Variants in MYRIP observed in about 807,000 individuals in gnomAD.
MYRIP encodes rab effector MyRIP.
A neutral mutation model predicts 98.0 loss-of-function variants in MYRIP; 49 were observed. The ratio of observed to expected loss-of-function variants is 0.50; its 90% confidence interval spans 0.40 to 0.63. MYRIP has a LOEUF of 0.63. MYRIP is among the 30% of genes least tolerant of loss of function. The pLI is 0.00. For synonymous variants in MYRIP, 404 were observed against 409.5 expected (o/e 0.99, Z 0.16); for missense variants, 1,004 against 1,058.2 (o/e 0.95, Z 0.71).
intron 2 of MYRIP, among the ~76,000 whole-genome samples, chr3:39,994,402 G>T (rs952871969): frequency 6.6e-6 from 1 of 152,258 alleles, no homozygotes; most frequent in African/African-American, 2.4e-5. Flanking sequence ...TCCCGTGCCT[G>T]GCTCGGAGGG....
intron 2 of MYRIP, among the ~76,000 whole-genome samples, chr3:39,975,952 G>A (rs1022696690): frequency 2.6e-5 from 4 of 152,128 alleles, no homozygotes; most frequent in African/African-American, 7.2e-5. Flanking sequence ...AACCCTAGAA[G>A]AAAACCTAGA....
At position 40,245,747 on chromosome 3, in the gene MYRIP, ATT is replaced by A. The variant is rs539410162; in HGVS notation, c.2262+1157_2262+1158del. On this transcript the variant is annotated intron_variant, in intron 13 of 16. Coordinates refer to ENST00000302541, the MANE Select transcript of MYRIP (RefSeq NM_015460.4). Reference sequence around the variant, plus strand: ...TTCAGTATAGACCCCTGGTTTGCTGATTTTTTTTTTTTTTTTTTGAGACAGAG... The same window carrying A: ...TTCAGTATAGACCCCTGGTTTGCTGATTTTTTTTTTTTTTTTGAGACAGAG... Among the ~76,000 whole-genome samples, 95 of 95,838 alleles carry A rather than the reference ATT, an allele frequency of 9.9e-4. 2 individuals carry two copies. The highest frequency in any genetic ancestry group is 2.3e-3 in the South Asian group (6 of 2,576). 62.9% of individuals were successfully genotyped at this position (95,838 alleles called of 152,430 possible).
Position 39,902,326 on chromosome 3 carries a change from A to G in MYRIP, c.110+1400A>G, listed in dbSNP as rs769428929. Reference sequence around the variant, plus strand: ...TGGAAAAGGTCACCAGAACAATAGGAGAGTAGATGGAGCAGGGAAACTAGT... The same window carrying G: ...TGGAAAAGGTCACCAGAACAATAGGGGAGTAGATGGAGCAGGGAAACTAGT... On this transcript the variant is annotated intron_variant, in intron 2 of 16. Coordinates refer to ENST00000302541, the MANE Select transcript of MYRIP (RefSeq NM_015460.4). Among the ~76,000 whole-genome samples the G allele has an allele frequency of 3.9e-5, 6 of 152,230 alleles. No homozygotes were observed. In the East Asian group the frequency reaches 1.2e-3, roughly 29 times the overall value.
At chr3:39,912,082 C>G (rs1008709439) in intron 2 of MYRIP, among the ~76,000 whole-genome samples, 3 of 152,212 alleles carry the variant, frequency 2.0e-5, no homozygotes, top group Non-Finnish European at 4.4e-5. Context: ...GAGCCAGCCT[C>G]CCTGGCCTGG....
intron 11 of MYRIP, among the ~76,000 whole-genome samples, chr3:40,215,034 C>A (rs968411740): frequency 6.6e-6 from 1 of 152,092 alleles, no homozygotes; most frequent in Non-Finnish European, 1.5e-5. Flanking sequence ...ACATAAGTAT[C>A]ATTTGCAATA....
Position 40,134,371 on chromosome 3 carries a change from A to G in MYRIP, c.333-16677A>G, listed in dbSNP as rs1232389967. On this transcript the variant is annotated intron_variant, in intron 3 of 16. Coordinates refer to ENST00000302541, the MANE Select transcript of MYRIP (RefSeq NM_015460.4). Reference sequence around the variant, plus strand: ...ACAATTGCTCAGGCTTGAGTAGGTAAACAAAGCAGCCGGGAAGCTGGAACT... The same window carrying G: ...ACAATTGCTCAGGCTTGAGTAGGTAGACAAAGCAGCCGGGAAGCTGGAACT... 2.6e-5 allele frequency among the ~76,000 whole-genome samples: 4 copies of G among 152,250 alleles called. No homozygotes were observed. In the East Asian group the frequency reaches 7.7e-4, roughly 29 times the overall value.
intron 1 of MYRIP, among the ~76,000 whole-genome samples, chr3:39,816,933 C>A (rs1240877245): frequency 6.6e-6 from 1 of 152,198 alleles, no homozygotes; most frequent in Non-Finnish European, 1.5e-5. Context: ...TAACAGCCTT[C>A]ACATCATCAC....
intron 10 of MYRIP, among the ~76,000 whole-genome samples, chr3:40,199,476 G>A (rs539433050): frequency 1.3e-5 from 2 of 152,216 alleles, no homozygotes; most frequent in African/African-American, 4.8e-5. Flanking sequence ...GCATTCGAGG[G>A]GATGCTCTCT....
intron 2 of MYRIP, among the ~76,000 whole-genome samples, chr3:39,929,256 G>T (rs750261774): frequency 6.6e-6 from 1 of 151,868 alleles, no homozygotes; most frequent in Admixed American, 6.6e-5. Context: ...TAAATGGAGA[G>T]ACATACAGTG....
intron 1 of MYRIP, among the ~76,000 whole-genome samples, chr3:39,861,445 C>A (rs1000164482): frequency 2.6e-5 from 4 of 152,190 alleles, no homozygotes; most frequent in Non-Finnish European, 4.4e-5. Context: ...TGTTTTCTTA[C>A]CTCGCAACAA....
chr3:39,842,611 T>C (rs968579826), intron 1 of MYRIP, among the ~76,000 whole-genome samples: 3 of 152,192 alleles, frequency 2.0e-5, no homozygotes, highest in Non-Finnish European at 4.4e-5. Flanking sequence ...GGGAATCTCC[T>C]TGTCTGTGAA....
intron 2 of MYRIP, among the ~76,000 whole-genome samples, chr3:39,966,294 G>C (rs1042959027): frequency 6.6e-5 from 10 of 152,154 alleles, no homozygotes; most frequent in Non-Finnish European, 4.4e-5. Flanking sequence ...GTTTTACCAA[G>C]AACACTGAAG....
At chr3:40,125,095 C>CCA (rs1329122654) in intron 3 of MYRIP, among the ~76,000 whole-genome samples, 3 of 152,196 alleles carry the variant, frequency 2.0e-5, no homozygotes, top group African/African-American at 7.2e-5. Flanking sequence ...AGAACCAGGC[C>CCA]TGACACTCAT....
At chr3:40,038,855 G>A (rs1947442389) in intron 2 of MYRIP, among the ~76,000 whole-genome samples, 1 of 152,014 alleles carries the variant, frequency 6.6e-6, no homozygotes, top group Non-Finnish European at 1.5e-5. Flanking sequence ...TCCTACATAT[G>A]CAGCCATTTT....
At chr3:40,150,977 G>A (rs1950106066) in intron 3 of MYRIP, 71 bp from the exon 4 acceptor site, 2 of 1,373,816 alleles carry the variant, frequency 1.5e-6, no homozygotes, top group East Asian at 2.6e-5. Flanking sequence ...GAGCTGTGAA[G>A]CATTGCAGCA....
chr3:39,998,386 T>C (rs928458152), intron 2 of MYRIP, among the ~76,000 whole-genome samples: 1 of 152,090 alleles, frequency 6.6e-6, no homozygotes, highest in Non-Finnish European at 1.5e-5. Flanking sequence ...TATACACCAA[T>C]AGCAGACAAA....
At chr3:40,093,274 A>G (rs1948761472) in intron 3 of MYRIP, among the ~76,000 whole-genome samples, 1 of 152,220 alleles carries the variant, frequency 6.6e-6, no homozygotes, top group Non-Finnish European at 1.5e-5. Context: ...CTTTTTGCAG[A>G]AAAACCACAA....
chr3:40,182,444 T>C (rs905386810), intron 9 of MYRIP, 71 bp downstream of exon 9: 32 of 1,505,644 alleles, frequency 2.1e-5, no homozygotes, highest in Middle Eastern at 3.7e-4. Flanking sequence ...TCTTGGCTAT[T>C]GCATGGCCAC....
chr3:40,208,328 G>A (rs550818201), intron 10 of MYRIP, among the ~76,000 whole-genome samples: 9 of 152,094 alleles, frequency 5.9e-5, no homozygotes, highest in East Asian at 1.9e-4. Context: ...ATATCAAACC[G>A]TACAAATACA....
Sources: gnomAD v4.1 joint callset for allele counts (sites outside exome capture counted in the v4.1 genomes callset) on GRCh38, gnomAD v4.1.1 for gene constraint, MANE v1.5 for transcripts, NCBI Gene and HGNC (gene_info 2026-07-23, HGNC 2026-07-21) for gene names.